MESD: variants seen among roughly 807,000 people sequenced by gnomAD.
The protein encoded by MESD is LRP chaperone MESD.
Under a neutral mutation model 12.9 loss-of-function variants are expected in MESD, and 7 were observed. The observed-to-expected ratio is 0.54, with a 90% CI of 0.31 to 1.02. The LOEUF (loss-of-function observed/expected upper bound fraction) is 1.02. MESD is among the 50% of genes least tolerant of loss of function. The pLI, the probability that MESD is intolerant of heterozygous loss-of-function variation, is 0.05. For synonymous variants in MESD, 126 were observed against 115.6 expected, an observed-to-expected ratio of 1.09 and a Z score of -0.58; for missense variants, 342 against 296.7, an observed-to-expected ratio of 1.15 and a Z score of -1.12.
chr15:80,977,038 A>C lies in MESD; in HGVS notation c.*2181T>G, dbSNP rs1386607839. On this transcript the variant is annotated 3_prime_UTR_variant, in exon 3 of 3. Transcript: ENST00000261758. ...CAATTAAGATCCACCAGGGCGTCCC[A>C]AACTCCTACCAAACTCCATGTGCTA... is the stretch of plus-strand genomic sequence containing the variant. 6.5e-6 allele frequency: 1 copy of C among 152,938 alleles called. No individual in the cohort carries two copies. The highest frequency in any genetic ancestry group is 1.5e-5 in the Non-Finnish European group (1 of 68,496). 9.5% of individuals were successfully genotyped at this position (152,938 alleles called of 1,614,324 possible).
At chr15:80,971,903 CTGCACCA>C (rs1396280670), downstream of MESD, among the ~76,000 whole-genome samples, 1 of 150,604 alleles carries the variant, frequency 6.6e-6, no homozygotes, top group Non-Finnish European at 1.5e-5. Context: ...TGAGCCAAGA[CTGCACCA>C]TTGCACTCCA....
downstream of MESD, among the ~76,000 whole-genome samples, chr15:80,971,250 C>A (rs1008681251): frequency 6.6e-6 from 1 of 152,198 alleles, no homozygotes; most frequent in Non-Finnish European, 1.5e-5. Context: ...CAACGAGGTA[C>A]CTGACAGCCT....
chr15:80,963,031 A>C (rs1188992545), intron 3 of MESD, among the ~76,000 whole-genome samples: 1 of 152,238 alleles, frequency 6.6e-6, no homozygotes. Context: ...CTTCAAAAAA[A>C]TCAGTGAATC....
chr15:80,967,246 C>G (rs928148472), intron 3 of MESD, among the ~76,000 whole-genome samples: 2 of 151,180 alleles, frequency 1.3e-5, no homozygotes, highest in East Asian at 3.9e-4. Context: ...GAACCGAGAT[C>G]ACACCATTGC....
chr15:80,949,692 G>A (rs1464178719), intron 4 of MESD: 1 of 154,416 alleles, frequency 6.5e-6, no homozygotes, highest in African/African-American at 2.4e-5. Flanking sequence ...CTAGCTTGAG[G>A]GGTCTGCAGT....
chr15:80,952,107 C>G (rs1229003511), exon 4 of MESD: 15 of 449,014 alleles, frequency 3.3e-5, no homozygotes, highest in South Asian at 2.4e-4. Context: ...TTCAACTCCC[C>G]TCCCCGATGG....
In MESD at chr15:80,959,770, A is replaced by G. The variant is rs940499544; in HGVS notation, c.*289-7474T>C. Among the ~76,000 whole-genome samples the G allele has an allele frequency of 4.6e-5, 7 of 152,228 alleles. No individual in the cohort carries two copies. The East Asian group carries it at 1.4e-3, about 29-fold the overall frequency. ...GTGGAGAGAAAAAGCAAAGTGGAAG[A>G]GAGAAGAATAGCTCATGTCCCCATT... is the stretch of plus-strand genomic sequence containing the variant. On this transcript the variant is annotated intron_variant, in intron 3 of 4. Transcript: ENST00000561312.
downstream of MESD, among the ~76,000 whole-genome samples, chr15:80,971,387 C>T (rs926325212): frequency 6.6e-6 from 1 of 152,176 alleles, no homozygotes; most frequent in Non-Finnish European, 1.5e-5. Context: ...AGTTGGGCTC[C>T]TCTGAGCCAT....
At chr15:80,965,186 C>G (rs1243844210) in intron 3 of MESD, among the ~76,000 whole-genome samples, 1 of 152,126 alleles carries the variant, frequency 6.6e-6, no homozygotes, top group Admixed American at 6.5e-5. Context: ...ATTTATGCAG[C>G]CAACAGACAT....
chr15:80,953,550 A>G (rs1901897041), intron 3 of MESD, among the ~76,000 whole-genome samples: 1 of 152,230 alleles, frequency 6.6e-6, no homozygotes, highest in African/African-American at 2.4e-5. Context: ...GGAGACAGAC[A>G]GGATGATCTG....
chr15:80,964,643 G>A (rs536810946), intron 3 of MESD, among the ~76,000 whole-genome samples: 1 of 152,240 alleles, frequency 6.6e-6, no homozygotes, highest in South Asian at 2.1e-4. Flanking sequence ...ACAGAACAGA[G>A]GCCTGAGAAA....
intron 3 of MESD, among the ~76,000 whole-genome samples, chr15:80,961,755 A>T (rs1338992882): frequency 6.6e-6 from 1 of 152,230 alleles, no homozygotes; most frequent in Non-Finnish European, 1.5e-5. Flanking sequence ...ATCACAAAGA[A>T]GATGAAAGAA....
chr15:80,949,033 G>A lies in MESD; in HGVS notation c.*627-135C>T. 2.0e-6 allele frequency: 3 copies of A among 1,464,784 alleles called. No individual in the cohort carries two copies. The South Asian group carries it at 3.4e-5, about 17-fold the overall frequency. The allele number at this position is 1,464,784 out of a possible 1,614,324, so 90.7% of individuals were successfully genotyped here. A position where few individuals can be genotyped will look rare whatever the true frequency, so the allele number is the denominator to read the frequency against. On this transcript the variant is annotated intron_variant, in intron 4 of 4. Transcript: ENST00000561312. ...CCAGCCCCTGCCAGCAGCTGCCTGG[G>A]AAGGCCGTGTTTCAGCCCTGATGGG...
At chr15:80,982,717 C>T (rs1174920061) in intron 1 of MESD, among the ~76,000 whole-genome samples, 2 of 152,096 alleles carry the variant, frequency 1.3e-5, no homozygotes, top group South Asian at 4.1e-4. Flanking sequence ...CACAAGAGAA[C>T]TTTTCTGGGG....
In MESD at chr15:80,955,628, TGTG is replaced by T. The variant is rs199767116; in HGVS notation, c.*289-3335_*289-3333del. Reference sequence around the variant, plus strand: ...GTGTGTGTTTGTGCGTGTGTGTGTGTGTGTGTGTGTGAGAGAGACAGAGTCTCT... The same window carrying T: ...GTGTGTGTTTGTGCGTGTGTGTGTGTTGTGTGTGAGAGAGACAGAGTCTCT... On this transcript the variant is annotated intron_variant, in intron 3 of 4. Transcript: ENST00000561312. 7.3e-3 allele frequency among the ~76,000 whole-genome samples: 1,102 copies of T among 151,220 alleles called. 15 individuals carry two copies. The highest frequency in any genetic ancestry group is 0.026 in the African/African-American group (1,054 of 41,218).
intron 1 of MESD, among the ~76,000 whole-genome samples, 166 bp from the exon 2 acceptor site, chr15:80,982,348 T>G (rs977344786): frequency 6.6e-6 from 1 of 152,176 alleles, no homozygotes; most frequent in Non-Finnish European, 1.5e-5. Context: ...CAAGATAGTC[T>G]AAGTTTCAGG....
At chr15:80,986,937 C>T (rs892794222) in intron 1 of MESD, among the ~76,000 whole-genome samples, 1 of 152,164 alleles carries the variant, frequency 6.6e-6, no homozygotes, top group African/African-American at 2.4e-5. Flanking sequence ...CAGAACAATC[C>T]TACCCGGTTC....
chr15:80,972,302 T>TA (rs1283830079), downstream of MESD, among the ~76,000 whole-genome samples: 1 of 151,524 alleles, frequency 6.6e-6, no homozygotes, highest in Admixed American at 6.6e-5. Flanking sequence ...TGTAGAAACT[T>TA]AACTAACACA....
At chr15:80,959,605 C>T (rs970858149) in intron 3 of MESD, among the ~76,000 whole-genome samples, 6 of 152,146 alleles carry the variant, frequency 3.9e-5, no homozygotes, top group African/African-American at 1.4e-4. Context: ...AATAAATGGA[C>T]ACCTGCCATA....
Sources: allele counts gnomAD v4.1 joint callset (sites outside exome capture counted in the v4.1 genomes callset), GRCh38; gene constraint gnomAD v4.1.1; transcripts MANE v1.5; gene names NCBI Gene and HGNC (gene_info 2026-07-23, HGNC 2026-07-21).